Variants in HIF3A observed in about 807,000 individuals in gnomAD.
The protein encoded by HIF3A is hypoxia-inducible factor 3-alpha.
A neutral mutation model predicts 67.2 loss-of-function variants in HIF3A; 41 were observed. The ratio of observed to expected loss-of-function variants is 0.61; its 90% CI spans 0.48 to 0.79. The LOEUF is 0.79. Ranked by LOEUF, HIF3A falls within the 30% of genes least tolerant of loss-of-function variation. The pLI is 0.00. For missense variants in HIF3A, 855 were observed against 898.0 expected, an observed-to-expected ratio of 0.95 and a Z score of 0.61; for synonymous variants, 356 against 374.8, an observed-to-expected ratio of 0.95 and a Z score of 0.58.
intron 4 of HIF3A, 60 bp downstream of exon 4, chr19:46,308,365 C>G (rs968096740): frequency 9.6e-7 from 1 of 1,039,768 alleles, no homozygotes; most frequent in Non-Finnish European, 1.5e-6. Flanking sequence ...GGCTCCACCC[C>G]TCCCTCAGCA....
chr19:46,320,861 T>C (rs1314744573), intron 9 of HIF3A, among the ~76,000 whole-genome samples: 1 of 152,234 alleles, frequency 6.6e-6, no homozygotes, highest in African/African-American at 2.4e-5. Flanking sequence ...TAAATCCTGC[T>C]GTGGCTCCAC....
chr19:46,308,425 A>C (rs1969093265), intron 4 of HIF3A, 120 bp downstream of exon 4: 2 of 719,816 alleles, frequency 2.8e-6, no homozygotes, highest in East Asian at 5.2e-5. Flanking sequence ...GGAAGAGGAG[A>C]GATGGCCCTG....
intron 2 of HIF3A, among the ~76,000 whole-genome samples, chr19:46,304,633 C>T (rs775439958): frequency 2.0e-5 from 3 of 152,094 alleles, no homozygotes; most frequent in East Asian, 1.9e-4. Context: ...TGCACGCGCG[C>T]GTGCACACAC....
intron 2 of HIF3A, among the ~76,000 whole-genome samples, chr19:46,304,383 C>A (rs1968638429): frequency 6.6e-6 from 1 of 152,122 alleles, no homozygotes; most frequent in Non-Finnish European, 1.5e-5. Context: ...TCAGAAAATC[C>A]GCTAACCCTT....
intron 14 of HIF3A, among the ~76,000 whole-genome samples, chr19:46,336,706 T>G (rs1971651178): frequency 6.7e-6 from 1 of 149,798 alleles, no homozygotes; most frequent in South Asian, 2.3e-4. Flanking sequence ...AAACAAACAG[T>G]CCAGGTGCAG....
chr19:46,312,592 G>A lies in HIF3A; in HGVS notation c.964G>A (p.Val322Met). 1 of 1,607,684 alleles carries A rather than the reference G, an allele frequency of 6.2e-7. No individual in the cohort carries two copies. The highest frequency in any genetic ancestry group is 8.5e-7 in the Non-Finnish European group (1 of 1,176,896). The change falls in exon 8 of 15, where the codon GTG becomes ATG. Residue 322 changes from valine (V) to methionine (M), a missense_variant. Val to Met is a conservative substitution (Grantham distance 21). Coordinates refer to ENST00000377670, the MANE Select transcript of HIF3A (RefSeq NM_152795.4). ...CCTGTGGACCCAGACCCAGGCCACA[G>A]TGGTGTCAGGGGGACGGGGCCCCCA... The part of the protein sequence containing the change: ...GYLWTQTQAT[V>M]VSGGRGPQSE...
chr19:46,314,033 GT>G (rs1969712991), intron 8 of HIF3A, among the ~76,000 whole-genome samples: 2 of 149,830 alleles, frequency 1.3e-5, no homozygotes, highest in East Asian at 2.0e-4. Context: ...TAGAGCACAG[GT>G]TTTTTTTTTA....
At chr19:46,309,431 A>C in intron 6 of HIF3A, 72 bp downstream of exon 6, 12 of 848,200 alleles carry the variant, frequency 1.4e-5, no homozygotes, top group African/African-American at 1.1e-4. Flanking sequence ...ACACTCCCGC[A>C]TTTCTCTCTC....
chr19:46,334,464 C>T (rs1419428485), intron 13 of HIF3A, among the ~76,000 whole-genome samples: 1 of 151,788 alleles, frequency 6.6e-6, no homozygotes, highest in Non-Finnish European at 1.5e-5. Context: ...AAACTCCTGA[C>T]CTCAGGTGAT....
chr19:46,335,280 A>ATTTATTTATTTT (rs1971529735), intron 14 of HIF3A, among the ~76,000 whole-genome samples: 1 of 150,934 alleles, frequency 6.6e-6, no homozygotes, highest in African/African-American at 2.4e-5. Context: ...TTATTTATTT[A>ATTTATTTATTTT]TTTTTTGAGA....
chr19:46,329,208 A>T lies in HIF3A; in HGVS notation c.1442A>T (p.Asp481Val). Reference sequence around the variant, plus strand: ...TTACCTCCCTCCTGCCCTCCGCAGGATGCTGATGCTCTGGATTTGGAGATG... The same window carrying T: ...TTACCTCCCTCCTGCCCTCCGCAGGTTGCTGATGCTCTGGATTTGGAGATG... ...AVETDLDIAQ[D>V]ADALDLEMLA... The change falls in exon 12 of 15, where the codon GAT (aspartate) becomes GTT (valine). Residue 481 changes from aspartate (D) to valine (V), a missense_variant and splice_region_variant. Transcript: ENST00000377670. 6.2e-7 allele frequency: 1 copy of T among 1,602,366 alleles called. No homozygotes were observed. The highest frequency in any genetic ancestry group is 1.1e-5 in the South Asian group (1 of 89,740).
chr19:46,331,914 G>A (rs1044816290), intron 13 of HIF3A, among the ~76,000 whole-genome samples: 4 of 151,628 alleles, frequency 2.6e-5, no homozygotes, highest in Admixed American at 2.6e-4. Flanking sequence ...GCAGGCTAAG[G>A]GGAGAAATGG....
chr19:46,314,452 T>C (rs984104994), intron 8 of HIF3A, among the ~76,000 whole-genome samples: 1 of 147,560 alleles, frequency 6.8e-6, no homozygotes, highest in Non-Finnish European at 1.5e-5. Flanking sequence ...TACACAGTTC[T>C]GTGAATTTTG....
At chr19:46,304,452 C>T (rs1968649181) in intron 2 of HIF3A, among the ~76,000 whole-genome samples, 1 of 152,144 alleles carries the variant, frequency 6.6e-6, no homozygotes, top group African/African-American at 2.4e-5. Flanking sequence ...CCTGGTCTCT[C>T]ATAATATATC....
At chr19:46,303,541 C>T in intron 1 of HIF3A, 5 of 1,380,204 alleles carry the variant, frequency 3.6e-6, no homozygotes, top group South Asian at 1.4e-5. Context: ...CAGCCAGCCC[C>T]CTCCCAGCAG....
chr19:46,309,426 C>G, intron 6 of HIF3A, 67 bp downstream of exon 6: 1 of 886,130 alleles, frequency 1.1e-6, no homozygotes, highest in Non-Finnish European at 1.7e-6. Flanking sequence ...CCTCCACACT[C>G]CCGCATTTCT....
chr19:46,331,384 C>T (rs757160528), intron 13 of HIF3A, 111 bp downstream of exon 13: 1 of 800,808 alleles, frequency 1.2e-6, no homozygotes, highest in Non-Finnish European at 2.1e-6. Flanking sequence ...GAGGGTCATA[C>T]AGAAAGTCAG....
In HIF3A at chr19:46,309,148, C is replaced by T; in HGVS notation, c.562-3C>T. 1 of 1,610,454 alleles carries T rather than the reference C, an allele frequency of 6.2e-7. No individual in the cohort carries two copies. Among genetic ancestry groups the T allele is most frequent in the South Asian group, 1.1e-5 (1 of 90,856 alleles). ...TGCCTTGTCCCCTCATCTCGGCCCCCAGGTGCTGAACTGCTCTGGACATAT... is the reference window on the plus strand; with the variant it reads ...TGCCTTGTCCCCTCATCTCGGCCCCTAGGTGCTGAACTGCTCTGGACATAT... On this transcript the variant is annotated splice_region_variant and splice_polypyrimidine_tract_variant and intron_variant, in intron 5 of 14. Coordinates refer to ENST00000377670, the MANE Select transcript of HIF3A (RefSeq NM_152795.4).
At chr19:46,298,054 T>G (rs566708298) in intron 1 of HIF3A, among the ~76,000 whole-genome samples, 13 of 151,530 alleles carry the variant, frequency 8.6e-5, no homozygotes, top group African/African-American at 2.9e-4. Flanking sequence ...TGCCGGGGGG[T>G]TTTATCTGGC....
Sources: allele counts gnomAD v4.1 joint callset (sites outside exome capture counted in the v4.1 genomes callset), GRCh38; gene constraint gnomAD v4.1.1; transcripts MANE v1.5; gene names NCBI Gene and HGNC (gene_info 2026-07-23, HGNC 2026-07-21).